The following PCLO variants were observed in gnomAD, a reference collection of about 807,000 sequenced individuals.
PCLO encodes piccolo presynaptic cytomatrix protein, also known as protein piccolo.
Under a neutral mutation model 427.5 loss-of-function variants are expected in PCLO, and 82 were observed. The observed-to-expected ratio is 0.19, with a 90% CI of 0.16 to 0.23. The LOEUF is 0.23. PCLO is among the 10% of genes least tolerant of loss of function. The probability of loss-of-function intolerance (pLI) is 1.00; values close to 1 mark genes in which losing one functional copy is unlikely to be tolerated. For synonymous variants in PCLO, 2,357 were observed against 2,155.4 expected, an observed-to-expected ratio of 1.09 and a Z score of -2.59; for missense variants, 6,239 against 6,115.9, an observed-to-expected ratio of 1.02 and a Z score of -0.67.
chr7:82,846,241 T>A (rs2522838), intron 12 of PCLO, among the ~76,000 whole-genome samples: 58,981 of 151,854 alleles, frequency 0.39, 12,609 homozygotes, highest in East Asian at 0.69. Context: ...AAAACCAAAA[T>A]GAAATGGCTC....
chr7:82,951,664 T>C (rs890481459), intron 5 of PCLO, among the ~76,000 whole-genome samples, 174 bp from the exon 6 acceptor site: 2 of 152,160 alleles, frequency 1.3e-5, no homozygotes, highest in Admixed American at 6.5e-5. Context: ...ATGCAGTGAT[T>C]TTGAGCAGAA....
intron 3 of PCLO, among the ~76,000 whole-genome samples, chr7:83,003,280 GT>G (rs1009908993): frequency 5.3e-5 from 8 of 151,356 alleles, no homozygotes; most frequent in African/African-American, 1.9e-4. Context: ...AACAAATAAA[GT>G]TTTTATAAAA....
At chr7:82,918,123 A>G (rs1220723202) in intron 6 of PCLO, among the ~76,000 whole-genome samples, 1 of 152,096 alleles carries the variant, frequency 6.6e-6, no homozygotes, top group South Asian at 2.1e-4. Context: ...AATGTTATGA[A>G]TCTTTGAAAT....
At chr7:82,838,463 T>G in intron 14 of PCLO, 121 bp from the exon 15 acceptor site, 2 of 612,136 alleles carry the variant, frequency 3.3e-6, no homozygotes, top group South Asian at 4.6e-5. Context: ...CATTTTCATT[T>G]TATTTGAAAC....
rs916541648 is a variant in PCLO, at chr7:83,162,489, G to A, written c.104C>T (p.Thr35Ile). 4 of 1,574,722 alleles carry A rather than the reference G, an allele frequency of 2.5e-6. No homozygotes were observed. Among genetic ancestry groups the A allele is most frequent in the Non-Finnish European group, 2.6e-6 (3 of 1,160,258 alleles). ...CGCCTCCATGCCGGCCGGGATCGCG[G>A]TGTGAGAGGGGCTCCCCGCCCCGCT... is the stretch of plus-strand genomic sequence containing the variant. ...GASGAGSPSHTAIPAGMEADL... is the reference protein window; with the variant it reads ...GASGAGSPSHIAIPAGMEADL... The change falls in exon 1 of 25, where the codon ACC becomes ATC. Residue 35 changes from threonine (T) to isoleucine (I), a missense_variant. Transcript: ENST00000333891.
In PCLO at chr7:82,954,193, C is replaced by G. The variant is rs1402428469; in HGVS notation, c.6760G>C (p.Asp2254His). ...SVSLDRTAPP[D>H]GRASADHIVI... ...ATATGATCAGCACTAGCTCTACCAT[C>G]TGGTGGGGCAGTCCGATCTAAAGAT... is the stretch of plus-strand genomic sequence containing the variant. The change falls in exon 5 of 25, where the codon GAT becomes CAT. Residue 2254 changes from aspartate to histidine, a missense_variant. Physicochemically the swap from Asp to His is moderately conservative, Grantham distance 81 (BLOSUM62 -1). Around this residue, in one of 5 missense-constraint regions of PCLO, gnomAD observed 4,677 missense variants for 4,468.4 expected, o/e 1.05. Coordinates refer to ENST00000333891, the MANE Select transcript of PCLO (RefSeq NM_033026.6). 1 of 1,613,492 alleles carries G rather than the reference C, an allele frequency of 6.2e-7. No homozygotes were observed. The highest frequency in any genetic ancestry group is 1.7e-5 in the Admixed American group (1 of 60,010).
At chr7:82,835,431 T>A (rs559096498) in intron 16 of PCLO, among the ~76,000 whole-genome samples, 1 of 152,336 alleles carries the variant, frequency 6.6e-6, no homozygotes, top group South Asian at 2.1e-4. Flanking sequence ...TTTTTTTCAT[T>A]GTTTCTATGC....
At chr7:83,109,682 TA>T (rs1329253742) in intron 3 of PCLO, among the ~76,000 whole-genome samples, 1 of 152,152 alleles carries the variant, frequency 6.6e-6, no homozygotes, top group Admixed American at 6.6e-5. Context: ...CATTTTCATA[TA>T]TTTTTAAAAG....
At chr7:83,000,264 G>C (rs955537279) in intron 3 of PCLO, among the ~76,000 whole-genome samples, 1 of 94,440 alleles carries the variant, frequency 1.1e-5, no homozygotes, top group Non-Finnish European at 2.0e-5. Flanking sequence ...AATATTCAAA[G>C]TGTTGAGAGA....
intron 4 of PCLO, among the ~76,000 whole-genome samples, chr7:82,960,599 CTT>C (rs1370806376): frequency 2.0e-5 from 3 of 152,032 alleles, no homozygotes; most frequent in African/African-American, 4.8e-5. Context: ...AGCAATATGA[CTT>C]TTAAAATATT....
At chr7:82,949,355 C>G (rs1795277315) in intron 6 of PCLO, 121 bp downstream of exon 6, 1 of 736,016 alleles carries the variant, frequency 1.4e-6, no homozygotes, top group South Asian at 1.8e-5. Context: ...AGGCAATAAT[C>G]TTCACCCTAA....
chr7:82,787,665 T>G (rs1466639350), intron 22 of PCLO, among the ~76,000 whole-genome samples: 1 of 152,164 alleles, frequency 6.6e-6, no homozygotes, highest in Non-Finnish European at 1.5e-5. Context: ...AAAATGACAT[T>G]CTGGAAATAG....
rs371467460 is a variant in PCLO at position 82,822,704 on chromosome 7, G to A, written c.14597-15C>T. Reference sequence around the variant, plus strand: ...AACCTGCATGTCTGGTCACAAAAGGGTAAAACATGAGTTAAAGTTGTTCCA... The same window carrying A: ...AACCTGCATGTCTGGTCACAAAAGGATAAAACATGAGTTAAAGTTGTTCCA... On this transcript the variant is annotated splice_polypyrimidine_tract_variant and intron_variant, in intron 19 of 24. Coordinates refer to ENST00000333891, the MANE Select transcript of PCLO (RefSeq NM_033026.6). The A allele has an allele frequency of 1.9e-6, 3 of 1,609,290 alleles. No individual in the cohort carries two copies. The African/African-American group carries it at 4.0e-5, about 21-fold the overall frequency.
chr7:82,953,687 AGGGGGTGGTGGT>A lies in PCLO; in HGVS notation c.7254_7265del (p.Pro2423_Pro2426del). On this transcript the variant is annotated inframe_deletion, in exon 5 of 25. Transcript: ENST00000333891. ...TTGGTGGAGGAAGTGGTGGGGGAGG[AGGGGGTGGTGGT>A]GGAGGAGGAGGAGGAGGGGGAGGGG... 1 of 486,144 alleles carries A rather than the reference AGGGGGTGGTGGT, an allele frequency of 2.1e-6. No homozygotes were observed. Among genetic ancestry groups the A allele is most frequent in the Non-Finnish European group, 3.2e-6 (1 of 313,080 alleles). 30.1% of individuals were successfully genotyped at this position (486,144 alleles called of 1,614,324 possible).
chr7:82,852,904 C>A (rs913114462), intron 10 of PCLO, among the ~76,000 whole-genome samples: 1 of 152,122 alleles, frequency 6.6e-6, no homozygotes, highest in Admixed American at 6.6e-5. Context: ...TGGCAACCAT[C>A]ATTTTATTCT....
rs138947831 is a variant in PCLO, at chr7:83,057,003, G to T, written c.3300+77247C>A. On this transcript the variant is annotated intron_variant, in intron 3 of 24. Transcript: ENST00000333891. Reference sequence around the variant, plus strand: ...TTCCATCAATTAAATATAGTACAGAGATGTTATGTGCAGCAATATCTACTA... The same window carrying T: ...TTCCATCAATTAAATATAGTACAGATATGTTATGTGCAGCAATATCTACTA... Among the ~76,000 whole-genome samples, 1,292 of 152,022 alleles carry T rather than the reference G, an allele frequency of 8.5e-3. 12 individuals are homozygous for T. Among genetic ancestry groups the T allele is most frequent in the Non-Finnish European group, 0.014 (933 of 67,978 alleles).
rs547819178 is a variant in PCLO at position 83,144,593 on chromosome 7, A to T, written c.1894-8937T>A. Among the ~76,000 whole-genome samples the T allele has an allele frequency of 1.7e-3, 264 of 152,060 alleles. 6 individuals are homozygous for T. In the South Asian group the frequency reaches 0.038, roughly 22 times the overall value. On this transcript the variant is annotated intron_variant, in intron 2 of 24. Coordinates refer to ENST00000333891, the MANE Select transcript of PCLO (RefSeq NM_033026.6). ...TGTATAACCACTTAACAGTATATTT[A>T]AAAAAAATCTCATTTTAAAATTATG...
chr7:83,011,927 G>C (rs1291704894), intron 3 of PCLO, among the ~76,000 whole-genome samples: 2 of 152,086 alleles, frequency 1.3e-5, no homozygotes, highest in African/African-American at 4.8e-5. Context: ...TAGGCACTGA[G>C]AATCAGAGAT....
In PCLO at chr7:82,779,121, T is replaced by C. The variant is rs150965397; in HGVS notation, c.15008-17628A>G. Among the ~76,000 whole-genome samples, 656 of 152,224 alleles carry C rather than the reference T, an allele frequency of 4.3e-3. 3 individuals carry two copies. The highest frequency in any genetic ancestry group is 0.014 in the African/African-American group (578 of 41,572). Reference sequence around the variant, plus strand: ...TGAACATTAACAATAGATTTTTTACTTTATCATACAGATATTATGAGTATT... The same window carrying C: ...TGAACATTAACAATAGATTTTTTACCTTATCATACAGATATTATGAGTATT... On this transcript the variant is annotated intron_variant, in intron 22 of 24. Coordinates refer to ENST00000333891, the MANE Select transcript of PCLO (RefSeq NM_033026.6).
Sources: allele counts gnomAD v4.1 joint callset (sites outside exome capture counted in the v4.1 genomes callset), GRCh38; gene constraint gnomAD v4.1.1; regional missense constraint gnomAD v4.1.1; transcripts MANE v1.5; gene names NCBI Gene and HGNC (gene_info 2026-07-23, HGNC 2026-07-21).